Variants in RANBP17 observed in about 807,000 individuals in gnomAD.
The protein encoded by RANBP17 is ran-binding protein 17.
RANBP17 carries 158 observed loss-of-function variants against 141.2 expected under a neutral mutation model. The ratio of observed to expected loss-of-function variants is 1.12; its 90% CI spans 0.98 to 1.28. The LOEUF is 1.28. Ranked by LOEUF, RANBP17 falls within the 50% of genes most tolerant of loss-of-function variation. The pLI is 0.00. For missense variants in RANBP17, 1,438 were observed against 1,290.7 expected, an observed-to-expected ratio of 1.11 and a Z score of -1.75; for synonymous variants, 430 against 450.0, an observed-to-expected ratio of 0.96 and a Z score of 0.56.
intron 14 of RANBP17, among the ~76,000 whole-genome samples, chr5:171,131,785 G>A (rs1240203401): frequency 2.6e-5 from 4 of 152,198 alleles, no homozygotes; most frequent in Non-Finnish European, 5.9e-5. Context: ...TCCTGCCTAT[G>A]CTGTCACCTG....
At chr5:171,047,886 CAG>C (rs1260838075) in intron 14 of RANBP17, among the ~76,000 whole-genome samples, 3 of 151,946 alleles carry the variant, frequency 2.0e-5, no homozygotes, top group Non-Finnish European at 4.4e-5. Context: ...TTTATTTTGG[CAG>C]AGTCTAATTA....
At chr5:171,215,474 A>G (rs1763158069) in intron 21 of RANBP17, among the ~76,000 whole-genome samples, 2 of 152,150 alleles carry the variant, frequency 1.3e-5, no homozygotes, top group East Asian at 1.9e-4. Flanking sequence ...TTGAGGAATC[A>G]CCACACTGTC....
At chr5:171,217,116 A>G (rs1319399865) in intron 21 of RANBP17, among the ~76,000 whole-genome samples, 1 of 152,130 alleles carries the variant, frequency 6.6e-6, no homozygotes, top group East Asian at 1.9e-4. Flanking sequence ...AGTTTTTAGC[A>G]TGGAGGGATG....
intron 14 of RANBP17, among the ~76,000 whole-genome samples, chr5:171,007,480 G>A (rs2127585926): frequency 6.6e-6 from 1 of 152,118 alleles, no homozygotes; most frequent in East Asian, 1.9e-4. Context: ...GGAAGTGAGA[G>A]GTCAGATGGG....
At chr5:171,061,293 G>C (rs1353946031) in intron 14 of RANBP17, among the ~76,000 whole-genome samples, 1 of 151,916 alleles carries the variant, frequency 6.6e-6, no homozygotes, top group East Asian at 1.9e-4. Flanking sequence ...TCTCTTGTGG[G>C]CATTTAGTAC....
rs566632081 is a variant in RANBP17 at position 171,038,207 on chromosome 5, G to A, written c.1710+69830G>A. 2.2e-4 allele frequency among the ~76,000 whole-genome samples: 33 copies of A among 147,722 alleles called. 1 individual carries two copies. In the South Asian group the frequency reaches 7.0e-3, roughly 31 times the overall value. ...GTGTGTGTGTGTGTGCACGTGCACA[G>A]CAATTATAAATGTGATTTTATTCTT... On this transcript the variant is annotated intron_variant, in intron 14 of 27. Transcript: ENST00000523189.
At chr5:170,988,693 C>T (rs1229670175) in intron 14 of RANBP17, among the ~76,000 whole-genome samples, 1 of 151,638 alleles carries the variant, frequency 6.6e-6, no homozygotes, top group East Asian at 1.9e-4. Flanking sequence ...AATTTTATGT[C>T]TACAGTTCAT....
chr5:171,169,676 A>G (rs990887791), intron 14 of RANBP17, among the ~76,000 whole-genome samples: 1 of 126,282 alleles, frequency 7.9e-6, no homozygotes, highest in African/African-American at 2.6e-5. Context: ...ATTTTTTTAA[A>G]TCCTTATTTT....
At position 170,918,765 on chromosome 5, in the gene RANBP17, T is replaced by G; in HGVS notation, c.1007T>G (p.Leu336Ter). Residue 336 changes from leucine to a stop codon, truncating the protein, a stop_gained, in exon 10 of 28, where the codon TTA becomes TGA. Transcript: ENST00000523189. LOFTEE classifies it high-confidence loss of function. ...YHEFCRFLAR[L>*]KTNYQLGELV... ...GAATTTTGTCGATTTTTGGCTCGTT[T>G]AAAGACAAATTATCAGCTGGGAGAA... 1.9e-6 allele frequency: 3 copies of G among 1,607,756 alleles called. No individual in the cohort carries two copies. Among genetic ancestry groups the G allele is most frequent in the Non-Finnish European group, 2.6e-6 (3 of 1,176,412 alleles).
chr5:171,088,708 T>C (rs956257639), intron 14 of RANBP17, among the ~76,000 whole-genome samples: 2 of 152,154 alleles, frequency 1.3e-5, no homozygotes, highest in African/African-American at 2.4e-5. Context: ...TTGATTTCGT[T>C]CATTTCATCT....
intron 9 of RANBP17, among the ~76,000 whole-genome samples, chr5:170,917,529 G>T (rs13170947): frequency 0.026 from 3,940 of 152,014 alleles, 74 homozygotes; most frequent in Middle Eastern, 0.13. Flanking sequence ...AATTCTCTTG[G>T]TTATTAATAA....
chr5:171,202,332 C>A (rs1363014655), intron 19 of RANBP17, among the ~76,000 whole-genome samples: 1 of 152,076 alleles, frequency 6.6e-6, no homozygotes, highest in Non-Finnish European at 1.5e-5. Flanking sequence ...AAAATATAGT[C>A]CAGTACTCCC....
intron 22 of RANBP17, among the ~76,000 whole-genome samples, chr5:171,238,790 C>T (rs1323137528): frequency 6.6e-6 from 1 of 152,136 alleles, no homozygotes; most frequent in Non-Finnish European, 1.5e-5. Context: ...GAGTACAGTC[C>T]TCTGTTTACA....
intron 25 of RANBP17, among the ~76,000 whole-genome samples, chr5:171,277,323 A>G (rs1767550113): frequency 6.6e-6 from 1 of 151,858 alleles, no homozygotes; most frequent in Admixed American, 6.6e-5. Flanking sequence ...TACCAGACAG[A>G]TCCTAAATCT....
chr5:170,957,322 T>A (rs535760896), intron 13 of RANBP17, among the ~76,000 whole-genome samples: 1 of 151,994 alleles, frequency 6.6e-6, no homozygotes, highest in South Asian at 2.1e-4. Flanking sequence ...GGGAGAAGAG[T>A]ACATTTTTAG....
At chr5:171,151,179 G>A (rs995564438) in intron 14 of RANBP17, among the ~76,000 whole-genome samples, 14 of 152,126 alleles carry the variant, frequency 9.2e-5, no homozygotes, top group African/African-American at 3.4e-4. Flanking sequence ...TGCTATAAGT[G>A]GAGGTTCAGT....
chr5:171,063,440 G>C (rs565818340), intron 14 of RANBP17, among the ~76,000 whole-genome samples: 1 of 152,336 alleles, frequency 6.6e-6, no homozygotes, highest in East Asian at 1.9e-4. Flanking sequence ...GACCCTGCTT[G>C]CCTGGGTATC....
Position 171,286,147 on chromosome 5 carries a change from C to T in RANBP17, c.2944-7736C>T, listed in dbSNP as rs1044303496. 2.0e-5 allele frequency among the ~76,000 whole-genome samples: 3 copies of T among 152,174 alleles called. No homozygotes were observed. The South Asian group carries it at 6.2e-4, about 31-fold the overall frequency. ...TTGAGCAAAAGCATCCCTTAGCTTT[C>T]CGTAAGGAGGGGATGGCAGAGTGGG... On this transcript the variant is annotated intron_variant, in intron 25 of 27. Transcript: ENST00000523189.
chr5:171,215,056 C>T (rs1195997337), intron 21 of RANBP17, among the ~76,000 whole-genome samples: 1 of 151,014 alleles, frequency 6.6e-6, no homozygotes, highest in Non-Finnish European at 1.5e-5. Flanking sequence ...CATCCCCTTG[C>T]CCCCCATCCC....
Sources: allele counts gnomAD v4.1 joint callset (sites outside exome capture counted in the v4.1 genomes callset), GRCh38; gene constraint gnomAD v4.1.1; transcripts MANE v1.5; gene names NCBI Gene and HGNC (gene_info 2026-07-23, HGNC 2026-07-21).